The following APCDD1 variants were observed in gnomAD, a reference collection of about 807,000 sequenced individuals.
APCDD1 encodes protein APCDD1.
Under a neutral mutation model 38.1 loss-of-function variants are expected in APCDD1, and 15 were observed. The ratio of observed to expected loss-of-function variants is 0.39; its 90% CI spans 0.26 to 0.61. APCDD1 has a LOEUF of 0.61. APCDD1 is among the 20% of genes least tolerant of loss of function. The pLI is 0.49. For missense variants in APCDD1, 647 were observed against 696.2 expected, an observed-to-expected ratio of 0.93 and a Z score of 0.79; for synonymous variants, 261 against 279.7, an observed-to-expected ratio of 0.93 and a Z score of 0.67.
intron 3 of APCDD1, among the ~76,000 whole-genome samples, chr18:10,479,780 C>T (rs1163881738): frequency 6.6e-6 from 1 of 152,058 alleles, no homozygotes; most frequent in Non-Finnish European, 1.5e-5. Flanking sequence ...CTTGAGCCTC[C>T]GAGACTCGAA....
chr18:10,485,327 C>G lies in APCDD1; in HGVS notation c.775-135C>G. The G allele has an allele frequency of 1.1e-6, 1 of 922,134 alleles. No individual in the cohort carries two copies. The highest frequency in any genetic ancestry group is 1.8e-6 in the Non-Finnish European group (1 of 569,750). 57.1% of individuals were successfully genotyped at this position (922,134 alleles called of 1,614,324 possible). The stretch of plus-strand genomic sequence containing the variant: ...CTCTGTCTGTGCCCGGAGCATGATT[C>G]CAGTTGGTTCTTGGTGTCGAGGTTG... On this transcript the variant is annotated intron_variant, in intron 3 of 4. Coordinates refer to ENST00000355285, the MANE Select transcript of APCDD1 (RefSeq NM_153000.5). This position sits in a 1 kb window ranked among gnomAD's most constrained non-coding sequence, Gnocchi z 5.8.
At chr18:10,479,387 A>T (rs1226135408) in intron 3 of APCDD1, among the ~76,000 whole-genome samples, 2 of 152,244 alleles carry the variant, frequency 1.3e-5, no homozygotes, top group South Asian at 4.1e-4. Flanking sequence ...ATCTGTTCAC[A>T]AGATCACATC....
At position 10,454,957 on chromosome 18, in the gene APCDD1, G is replaced by A; in HGVS notation, c.-25G>A. On this transcript the variant is annotated 5_prime_UTR_variant, in exon 1 of 5. Transcript: ENST00000355285. ...GGCACCAAATCGGAGCGCGGCGTGC[G>A]GGAGGCCCCAGAGCAGGACTGGAAA... The A allele has an allele frequency of 1.3e-6, 2 of 1,503,532 alleles. No individual in the cohort carries two copies. The highest frequency in any genetic ancestry group is 1.8e-6 in the Non-Finnish European group (2 of 1,125,118). 93.1% of individuals were successfully genotyped at this position (1,503,532 alleles called of 1,614,324 possible).
At chr18:10,458,930 A>G (rs2030454206) in intron 1 of APCDD1, among the ~76,000 whole-genome samples, 1 of 152,212 alleles carries the variant, frequency 6.6e-6, no homozygotes, top group African/African-American at 2.4e-5. Context: ...TTTTGTGTAC[A>G]TAGGCCATTG....
rs2030772340 is a variant in APCDD1, at chr18:10,468,555, G to A, written c.145G>A (p.Glu49Lys). ...LEKSAWRAFK[E>K]SQCHHMLKHL... ...GAAAAGTGCCTGGAGGGCTTTTAAG[G>A]AGTCACAGTGCCATCACATGCTCAA... Residue 49 changes from glutamate (E) to lysine (K), a missense_variant, in exon 2 of 5, where the codon GAG becomes AAG. By Grantham distance (56) the Glu-to-Lys change is moderately conservative. Transcript: ENST00000355285. 4.6e-5 allele frequency: 75 copies of A among 1,614,024 alleles called. No individual in the cohort carries two copies. Among genetic ancestry groups the A allele is most frequent in the Non-Finnish European group, 6.2e-5 (73 of 1,180,042 alleles).
chr18:10,474,447 A>T (rs2030942141), intron 3 of APCDD1, among the ~76,000 whole-genome samples: 2 of 152,160 alleles, frequency 1.3e-5, no homozygotes, highest in Admixed American at 1.3e-4. Context: ...GGGAGCCTTG[A>T]GTGCGAGGTC....
At chr18:10,466,801 C>T (rs2030727746) in intron 1 of APCDD1, among the ~76,000 whole-genome samples, 1 of 152,224 alleles carries the variant, frequency 6.6e-6, no homozygotes, top group Non-Finnish European at 1.5e-5. Flanking sequence ...CATTCTAGCT[C>T]AGGCAAGAAT....
chr18:10,457,265 T>C (rs556526348), intron 1 of APCDD1, among the ~76,000 whole-genome samples: 1 of 152,330 alleles, frequency 6.6e-6, no homozygotes, highest in African/African-American at 2.4e-5. Flanking sequence ...AAGAATGGGA[T>C]ATTCTTCCTT....
chr18:10,484,340 C>G (rs1436382171), intron 3 of APCDD1, among the ~76,000 whole-genome samples: 1 of 152,220 alleles, frequency 6.6e-6, no homozygotes, highest in Non-Finnish European at 1.5e-5. Flanking sequence ...CTACACAACT[C>G]CATTTCATCC....
chr18:10,462,923 A>T (rs1481968882), intron 1 of APCDD1, among the ~76,000 whole-genome samples: 1 of 152,048 alleles, frequency 6.6e-6, no homozygotes, highest in Non-Finnish European at 1.5e-5. Flanking sequence ...CCTCCAAAAA[A>T]ACCAGAAAAG....
Position 10,472,433 on chromosome 18 carries a change from C to G in APCDD1, c.774+372C>G, listed in dbSNP as rs933396856. Among the ~76,000 whole-genome samples the G allele has an allele frequency of 6.6e-6, 1 of 152,182 alleles. No individual in the cohort carries two copies. Among genetic ancestry groups the G allele is most frequent in the Non-Finnish European group, 1.5e-5 (1 of 68,030 alleles). On this transcript the variant is annotated intron_variant, in intron 3 of 4. Coordinates refer to ENST00000355285, the MANE Select transcript of APCDD1 (RefSeq NM_153000.5). This position sits in a 1 kb window ranked among gnomAD's most constrained non-coding sequence, Gnocchi z 6.6. ...TGTGAAGGCGATGTCATAACCACACCTGGAAAAGATACTAAACAATAGCAG... is the reference window on the plus strand; with the variant it reads ...TGTGAAGGCGATGTCATAACCACACGTGGAAAAGATACTAAACAATAGCAG...
chr18:10,487,024 C>A (rs534194637), intron 4 of APCDD1, among the ~76,000 whole-genome samples: 1 of 152,328 alleles, frequency 6.6e-6, no homozygotes, highest in South Asian at 2.1e-4. Flanking sequence ...CAATTCTCCA[C>A]AAAAGCTGGG....
chr18:10,455,555 T>G (rs951139279), intron 1 of APCDD1, among the ~76,000 whole-genome samples: 1 of 152,226 alleles, frequency 6.6e-6, no homozygotes, highest in Non-Finnish European at 1.5e-5. Context: ...CTGCCTGCAC[T>G]TTGCCTCGCG....
At chr18:10,468,355 A>G in intron 1 of APCDD1, 114 bp from the exon 2 acceptor site, 1 of 1,139,308 alleles carries the variant, frequency 8.8e-7, no homozygotes. Context: ...ACCTTGTAGA[A>G]TAAACAATCA....
intron 1 of APCDD1, among the ~76,000 whole-genome samples, chr18:10,457,083 G>A (rs1443702804): frequency 6.6e-6 from 1 of 152,222 alleles, no homozygotes; most frequent in East Asian, 1.9e-4. Context: ...GAAAGAATCT[G>A]CAATGGCACA....
At chr18:10,464,729 A>C (rs2143521314) in intron 1 of APCDD1, among the ~76,000 whole-genome samples, 1 of 152,242 alleles carries the variant, frequency 6.6e-6, no homozygotes, top group East Asian at 1.9e-4. Context: ...CCTCCTTGAT[A>C]GGTATTTGTT....
intron 3 of APCDD1, among the ~76,000 whole-genome samples, chr18:10,481,854 G>A (rs1345943144): frequency 1.3e-5 from 2 of 151,840 alleles, no homozygotes; most frequent in African/African-American, 2.4e-5. Context: ...CACAAAAACC[G>A]TGCCTGGCCT....
chr18:10,473,054 G>A (rs78045346), intron 3 of APCDD1, among the ~76,000 whole-genome samples: 1,977 of 152,270 alleles, frequency 0.013, 42 homozygotes, highest in African/African-American at 0.045. Context: ...TCTCTAGCAC[G>A]GTGGCTCTGT....
intron 3 of APCDD1, among the ~76,000 whole-genome samples, chr18:10,473,925 ATTTTTTT>A (rs10691722): frequency 7.8e-6 from 1 of 127,816 alleles, no homozygotes; most frequent in Non-Finnish European, 1.7e-5. Context: ...CCTTTCTGGG[ATTTTTTT>A]TTTTTTTTTT....
Sources: allele counts gnomAD v4.1 joint callset (sites outside exome capture counted in the v4.1 genomes callset), GRCh38; gene constraint gnomAD v4.1.1; non-coding constraint Gnocchi (gnomAD v3.1); transcripts MANE v1.5; gene names NCBI Gene and HGNC (gene_info 2026-07-23, HGNC 2026-07-21).